ABCA13: variants seen among roughly 807,000 people sequenced by gnomAD.
The protein encoded by ABCA13 is ATP-binding cassette sub-family A member 13.
A neutral mutation model predicts 478.7 loss-of-function variants in ABCA13; 476 were observed. The observed-to-expected ratio is 0.99, with a 90% CI of 0.92 to 1.07. The LOEUF is 1.07. ABCA13 is among the 50% of genes least tolerant of loss of function. ABCA13 has a pLI of 0.00. For missense variants in ABCA13, 6,060 were observed against 5,910.6 expected (o/e 1.03, Z -0.83); for synonymous variants, 2,252 against 2,158.9 (o/e 1.04, Z -1.20).
chr7:48,439,542 C>G (rs1585326523), intron 42 of ABCA13, among the ~76,000 whole-genome samples: 1 of 151,942 alleles, frequency 6.6e-6, no homozygotes, highest in Admixed American at 6.6e-5. Context: ...TAAACAGTAT[C>G]CCAATTATGA....
chr7:48,172,797 C>CAAAAAAAA (rs36196847), intron 1 of ABCA13, among the ~76,000 whole-genome samples: 4 of 75,542 alleles, frequency 5.3e-5, no homozygotes, highest in African/African-American at 2.1e-4. Context: ...GACTCCGTCT[C>CAAAAAAAA]AAAAAAAAAA....
chr7:48,498,048 GC>G (rs1438530194), intron 48 of ABCA13, among the ~76,000 whole-genome samples: 6 of 152,152 alleles, frequency 3.9e-5, no homozygotes, highest in African/African-American at 1.4e-4. Context: ...GTGGCGGCTA[GC>G]CCTGTCTCAC....
intron 10 of ABCA13, 82 bp from the exon 11 acceptor site, chr7:48,244,494 C>T: frequency 6.7e-7 from 1 of 1,481,654 alleles, no homozygotes; most frequent in Admixed American, 2.0e-5. Flanking sequence ...GGAATATTTT[C>T]CTTTGAACGG....
chr7:48,437,133 A>G (rs971479099), intron 42 of ABCA13, among the ~76,000 whole-genome samples: 5 of 152,008 alleles, frequency 3.3e-5, no homozygotes, highest in East Asian at 1.9e-4. Flanking sequence ...GTTTCCTACT[A>G]TTACTATAGT....
chr7:48,204,161 G>A (rs1254265086), intron 3 of ABCA13, among the ~76,000 whole-genome samples: 1 of 149,314 alleles, frequency 6.7e-6, no homozygotes, highest in Non-Finnish European at 1.5e-5. Context: ...TGCCCACGCT[G>A]GAGTGATATG....
At chr7:48,173,635 T>C (rs541854780) in intron 1 of ABCA13, among the ~76,000 whole-genome samples, 1 of 152,330 alleles carries the variant, frequency 6.6e-6, no homozygotes, top group East Asian at 1.9e-4. Context: ...GGTTGTTCAT[T>C]ATAGCAATGC....
At chr7:48,388,005 T>A (rs753620119) in intron 36 of ABCA13, 46 bp downstream of exon 36, 2 of 1,576,372 alleles carry the variant, frequency 1.3e-6, no homozygotes, top group Non-Finnish European at 1.7e-6. Context: ...TTTCCTTTGA[T>A]CCATTTTGAT....
At chr7:48,582,609 G>A (rs6583455) in intron 56 of ABCA13, among the ~76,000 whole-genome samples, 4 of 152,164 alleles carry the variant, frequency 2.6e-5, no homozygotes, top group South Asian at 2.1e-4. Context: ...CTGTGCTTGC[G>A]GGGAGGCTCC....
chr7:48,534,860 A>G (rs1312766677), intron 55 of ABCA13, among the ~76,000 whole-genome samples: 1 of 152,000 alleles, frequency 6.6e-6, no homozygotes, highest in South Asian at 2.1e-4. Flanking sequence ...AGAAGTTGTG[A>G]TTTTAAAAAA....
At chr7:48,238,017 C>G (rs1432540573) in intron 8 of ABCA13, among the ~76,000 whole-genome samples, 1 of 152,178 alleles carries the variant, frequency 6.6e-6, no homozygotes, top group Non-Finnish European at 1.5e-5. Flanking sequence ...AAATCCTGAT[C>G]CAAAAGGAAC....
chr7:48,486,256 T>G (rs1015827689), intron 47 of ABCA13, among the ~76,000 whole-genome samples: 3 of 152,196 alleles, frequency 2.0e-5, no homozygotes, highest in African/African-American at 7.2e-5. Context: ...CATCATTCTT[T>G]GAAGATCTCA....
intron 3 of ABCA13, among the ~76,000 whole-genome samples, chr7:48,199,290 A>G (rs1036670620): frequency 1.1e-4 from 16 of 152,310 alleles, no homozygotes; most frequent in African/African-American, 1.7e-4. Context: ...AATACCATAA[A>G]CTGTGTGGCT....
At chr7:48,245,734 T>C (rs1270291883) in intron 12 of ABCA13, 122 bp downstream of exon 12, 24 of 1,440,196 alleles carry the variant, frequency 1.7e-5, no homozygotes, top group Non-Finnish European at 2.2e-5. Flanking sequence ...AATATGCAGG[T>C]TTTTCAAAAC....
intron 32 of ABCA13, among the ~76,000 whole-genome samples, chr7:48,369,084 A>T (rs1217351451): frequency 1.3e-5 from 2 of 151,822 alleles, no homozygotes. Flanking sequence ...GATTTTTTTG[A>T]TTATGGCCAT....
chr7:48,304,295 G>A (rs190776085), intron 23 of ABCA13, among the ~76,000 whole-genome samples: 102 of 152,318 alleles, frequency 6.7e-4, no homozygotes, highest in African/African-American at 2.4e-3. Flanking sequence ...AATGGAGACA[G>A]AGAAGTTGGT....
chr7:48,280,354 G>T (rs1384793683), intron 18 of ABCA13, among the ~76,000 whole-genome samples: 2 of 152,228 alleles, frequency 1.3e-5, no homozygotes, highest in Admixed American at 1.3e-4. Context: ...GGGCCAGGCA[G>T]CTGCTGGCTT....
At chr7:48,337,454 C>T (rs574255855) in intron 28 of ABCA13, among the ~76,000 whole-genome samples, 192 of 152,278 alleles carry the variant, frequency 1.3e-3, no homozygotes, top group Middle Eastern at 6.8e-3. Flanking sequence ...CATCCTTAGA[C>T]AAGATTAGTT....
chr7:48,303,768 A>T (rs1344487283), intron 23 of ABCA13, among the ~76,000 whole-genome samples: 1 of 152,134 alleles, frequency 6.6e-6, no homozygotes, highest in Non-Finnish European at 1.5e-5. Context: ...TTTGATATCA[A>T]ATTCTGATAC....
chr7:48,643,171 C>A (rs1795221605), intron 59 of ABCA13, 117 bp from the exon 60 acceptor site: 2 of 647,710 alleles, frequency 3.1e-6, no homozygotes, highest in Non-Finnish European at 5.4e-6. Context: ...AATCCAAACT[C>A]CCAACAATTT....
Sources: gnomAD v4.1 joint callset for allele counts (sites outside exome capture counted in the v4.1 genomes callset) on GRCh38, gnomAD v4.1.1 for gene constraint, MANE v1.5 for transcripts, NCBI Gene and HGNC (gene_info 2026-07-23, HGNC 2026-07-21) for gene names.